The following IRAK1BP1 variants were observed in gnomAD, a reference collection of about 807,000 sequenced individuals.
IRAK1BP1 encodes the protein interleukin 1 receptor associated kinase 1 binding protein 1.
A neutral mutation model predicts 28.0 loss-of-function variants in IRAK1BP1; 24 were observed. That is an observed-to-expected ratio of 0.86 (90% confidence interval 0.62 to 1.20). The LOEUF (loss-of-function observed/expected upper bound fraction) is 1.20. Ranked by LOEUF, IRAK1BP1 falls within the 50% of genes most tolerant of loss-of-function variation. The probability of loss-of-function intolerance (pLI) is 0.00; values close to 1 mark genes in which losing one functional copy is unlikely to be tolerated. For synonymous variants in IRAK1BP1, 131 were observed against 116.3 expected, an observed-to-expected ratio of 1.13 and a Z score of -0.81; for missense variants, 336 against 316.7, an observed-to-expected ratio of 1.06 and a Z score of -0.46.
At chr6:78,947,261 T>C (rs915382114), downstream of IRAK1BP1, among the ~76,000 whole-genome samples, 2 of 152,198 alleles carry the variant, frequency 1.3e-5, no homozygotes, top group Non-Finnish European at 2.9e-5. Flanking sequence ...TGTGATGTCA[T>C]GTCTGGTCAG....
At chr6:78,935,607 A>C in intron 4 of IRAK1BP1, 4 of 979,162 alleles carry the variant, frequency 4.1e-6, no homozygotes, top group Non-Finnish European at 4.9e-6. Flanking sequence ...AAATGTACAC[A>C]TAAAAAGGCA....
At chr6:78,912,262 A>G (rs1772447319) in intron 4 of IRAK1BP1, among the ~76,000 whole-genome samples, 1 of 152,076 alleles carries the variant, frequency 6.6e-6, no homozygotes, top group Non-Finnish European at 1.5e-5. Context: ...CAGAATAGAG[A>G]GCAAAGAGGG....
intron 4 of IRAK1BP1, among the ~76,000 whole-genome samples, chr6:78,912,533 C>T (rs1240997949): frequency 6.6e-6 from 1 of 152,042 alleles, no homozygotes; most frequent in Non-Finnish European, 1.5e-5. Context: ...TGTGTATACA[C>T]ACATACACAC....
the IRAK1BP1 span, among the ~76,000 whole-genome samples, chr6:78,963,794 G>A: frequency 3.3e-5 from 5 of 152,288 alleles, no homozygotes; most frequent in East Asian, 9.6e-4. Context: ...CTAGAGGGTT[G>A]CGGTAACCCA....
chr6:78,883,409 G>T (rs1352798965), intron 1 of IRAK1BP1, among the ~76,000 whole-genome samples: 1 of 151,914 alleles, frequency 6.6e-6, no homozygotes, highest in Non-Finnish European at 1.5e-5. Context: ...ATTACTTTTT[G>T]ATTATTTTCT....
In IRAK1BP1 at chr6:78,901,055, A is replaced by G. The variant is rs759564493; in HGVS notation, c.*2721A>G. Reference sequence around the variant, plus strand: ...AATGAGGTTGTGCATCAAGAAAAAAATTGTTCGTTCTCAACAAAAATTTAA... The same window carrying G: ...AATGAGGTTGTGCATCAAGAAAAAAGTTGTTCGTTCTCAACAAAAATTTAA... On this transcript the variant is annotated 3_prime_UTR_variant, in exon 4 of 4. Coordinates refer to ENST00000369940, the MANE Select transcript of IRAK1BP1 (RefSeq NM_001010844.4). The G allele has an allele frequency of 6.6e-6, 1 of 151,822 alleles. No homozygotes were observed. 9.4% of individuals were successfully genotyped at this position (151,822 alleles called of 1,614,324 possible).
intron 4 of IRAK1BP1, among the ~76,000 whole-genome samples, chr6:78,910,925 G>A (rs905264837): frequency 1.3e-5 from 2 of 152,228 alleles, no homozygotes; most frequent in African/African-American, 2.4e-5. Context: ...GGTCTGAACC[G>A]CTCCTTGGCC....
chr6:78,914,134 AAATT>A (rs1772496559), intron 4 of IRAK1BP1, among the ~76,000 whole-genome samples: 2 of 152,210 alleles, frequency 1.3e-5, no homozygotes, highest in African/African-American at 2.4e-5. Flanking sequence ...GCACATTAAT[AAATT>A]AATTAACTCA....
Position 78,902,807 on chromosome 6 carries a change from CATACATACATACATA to C in IRAK1BP1, c.*4475_*4489del. On this transcript the variant is annotated 3_prime_UTR_variant, in exon 4 of 4. Coordinates refer to ENST00000369940, the MANE Select transcript of IRAK1BP1 (RefSeq NM_001010844.4). ...ACATACATACATACATACATACATACATACATACATACATAAAATGCCCAGTATCTTACAAGACTG... is the reference window on the plus strand; with the variant it reads ...ACATACATACATACATACATACATACAAATGCCCAGTATCTTACAAGACTG... The C allele has an allele frequency of 4.8e-6, 1 of 208,338 alleles. No homozygotes were observed. Among genetic ancestry groups the C allele is most frequent in the Non-Finnish European group, 8.7e-6 (1 of 114,876 alleles). The allele number at this position is 208,338 out of a possible 1,614,324, so 12.9% of individuals were successfully genotyped here. A position where few individuals can be genotyped will look rare whatever the true frequency, so the allele number is the denominator to read the frequency against.
At chr6:78,945,297 T>TA in intron 4 of IRAK1BP1, 1 of 1,594,048 alleles carries the variant, frequency 6.3e-7, no homozygotes, top group Non-Finnish European at 8.6e-7. Flanking sequence ...AGTAATACCT[T>TA]ACCTTGCTCA....
chr6:78,968,613 A>G, the IRAK1BP1 span, among the ~76,000 whole-genome samples: 2 of 152,352 alleles, frequency 1.3e-5, no homozygotes, highest in African/African-American at 4.8e-5. Flanking sequence ...ACTGTGCATA[A>G]AAAGTATGTG....
At chr6:78,890,425 A>G (rs1771606217) in intron 2 of IRAK1BP1, among the ~76,000 whole-genome samples, 1 of 152,224 alleles carries the variant, frequency 6.6e-6, no homozygotes, top group South Asian at 2.1e-4. Flanking sequence ...AAAAAAAAAA[A>G]AAGTCCAAAA....
the IRAK1BP1 span, chr6:78,954,751 A>G: frequency 1.0e-6 from 1 of 969,450 alleles, no homozygotes; most frequent in South Asian, 1.7e-5. Flanking sequence ...AAAATAGCCA[A>G]CTGTCATGTA....
intron 4 of IRAK1BP1, among the ~76,000 whole-genome samples, chr6:78,908,567 C>T (rs1772319914): frequency 6.6e-6 from 1 of 152,138 alleles, no homozygotes; most frequent in South Asian, 2.1e-4. Flanking sequence ...TCTCAAACTC[C>T]TGGCCTCAGC....
At chr6:78,962,871 T>A in the IRAK1BP1 span, among the ~76,000 whole-genome samples, 1 of 152,140 alleles carries the variant, frequency 6.6e-6, no homozygotes, top group African/African-American at 2.4e-5. Flanking sequence ...CTGGCACTTC[T>A]AGGAGGCCCT....
At chr6:78,935,856 G>C (rs1773254486) in intron 4 of IRAK1BP1, 1 of 536,598 alleles carries the variant, frequency 1.9e-6, no homozygotes, top group African/African-American at 2.1e-5. Flanking sequence ...AAATCATGAG[G>C]CTCTACAAAA....
At chr6:78,880,211 G>A (rs1334486127) in intron 1 of IRAK1BP1, among the ~76,000 whole-genome samples, 1 of 152,076 alleles carries the variant, frequency 6.6e-6, no homozygotes, top group Non-Finnish European at 1.5e-5. Context: ...TGAAATGTTG[G>A]GACCAGAAAT....
downstream of IRAK1BP1, among the ~76,000 whole-genome samples, chr6:78,905,820 G>A (rs552037029): frequency 1.8e-3 from 281 of 152,086 alleles, no homozygotes; most frequent in African/African-American, 6.1e-3. Context: ...CCAGGATGGT[G>A]TCGATCTCCT....
In IRAK1BP1 at chr6:78,919,372, C is replaced by G. The variant is rs541047436; in HGVS notation, c.*67+16262C>G. 3.2e-3 allele frequency among the ~76,000 whole-genome samples: 481 copies of G among 151,958 alleles called. 3 individuals are homozygous for G. Among genetic ancestry groups the G allele is most frequent in the African/African-American group, 0.011 (449 of 41,474 alleles). ...AGCAGAACTGAATGAAATTGAGAAC[C>G]AAAAATCCATACAGAATCAATGAGA... On this transcript the variant is annotated intron_variant and NMD_transcript_variant, in intron 4 of 4. Transcript: ENST00000606868.
Sources: allele counts gnomAD v4.1 joint callset (sites outside exome capture counted in the v4.1 genomes callset), GRCh38; gene constraint gnomAD v4.1.1; transcripts MANE v1.5; gene names NCBI Gene and HGNC (gene_info 2026-07-23, HGNC 2026-07-21).